PCDHGB2: variants seen among roughly 807,000 people sequenced by gnomAD.
The protein encoded by PCDHGB2 is protocadherin gamma subfamily B, 2.
In PCDHGB2, 55 loss-of-function variants were observed where a neutral mutation model predicts 59.3. The observed-to-expected ratio is 0.93, with a 90% CI of 0.75 to 1.16. The LOEUF is 1.16. Among genes scored for constraint, PCDHGB2 ranks in the 50% most tolerant of loss-of-function variants. PCDHGB2 has a pLI of 0.00. For missense variants in PCDHGB2, 1,228 were observed against 1,198.5 expected (o/e 1.02, Z -0.36); for synonymous variants, 516 against 512.0 (o/e 1.01, Z -0.11).
At chr5:141,402,908 G>A (rs772824235) in intron 1 of PCDHGB2, 1 of 1,545,226 alleles carries the variant, frequency 6.5e-7, no homozygotes, top group Admixed American at 2.0e-5. Context: ...TGATGAAGCA[G>A]CGCGCACAGA....
chr5:141,384,903 C>T (rs1780641689), intron 1 of PCDHGB2: 1 of 1,613,992 alleles, frequency 6.2e-7, no homozygotes. Context: ...CTGACAGCAT[C>T]CCCGAAGTCT....
intron 1 of PCDHGB2, among the ~76,000 whole-genome samples, chr5:141,397,708 T>A (rs1409305799): frequency 6.6e-6 from 1 of 152,250 alleles, no homozygotes; most frequent in East Asian, 1.9e-4. Context: ...ACGTGATATT[T>A]CTAACAATTT....
chr5:141,402,918 A>C (rs766546022), intron 1 of PCDHGB2: 55 of 1,569,938 alleles, frequency 3.5e-5, no homozygotes, highest in Non-Finnish European at 4.7e-5. Flanking sequence ...GCGCGCACAG[A>C]GATCCTTTTG....
intron 2 of PCDHGB2, among the ~76,000 whole-genome samples, chr5:141,503,456 A>G (rs920770738): frequency 1.3e-5 from 2 of 152,058 alleles, no homozygotes; most frequent in African/African-American, 4.8e-5. Context: ...TTCGCTGGGC[A>G]TGGTGGCATG....
At position 141,477,130 on chromosome 5, in the gene PCDHGB2, G is replaced by C; in HGVS notation, c.2422-17677G>C. On this transcript the variant is annotated intron_variant, in intron 1 of 3. Coordinates refer to ENST00000522605, the MANE Select transcript of PCDHGB2 (RefSeq NM_018923.3). The surrounding 1 kb of genome is among the most constrained non-coding windows in gnomAD (Gnocchi z 4.9). ...ATCCCGAAGGAGCACATTGCAAAGT[G>C]TTGGTGGAGGTTGTGGATGTGAATG... 6.2e-7 allele frequency: 1 copy of C among 1,614,252 alleles called. No individual in the cohort carries two copies. The highest frequency in any genetic ancestry group is 2.2e-5 in the East Asian group (1 of 44,888).
At position 141,490,171 on chromosome 5, in the gene PCDHGB2, G is replaced by A. The variant is rs374421995; in HGVS notation, c.2422-4636G>A. 4 of 1,614,100 alleles carry A rather than the reference G, an allele frequency of 2.5e-6. No individual in the cohort carries two copies. The highest frequency in any genetic ancestry group is 3.4e-6 in the Non-Finnish European group (4 of 1,180,034). On this transcript the variant is annotated intron_variant, in intron 1 of 3. Coordinates refer to ENST00000522605, the MANE Select transcript of PCDHGB2 (RefSeq NM_018923.3). The surrounding 1 kb of genome is among the most constrained non-coding windows in gnomAD (Gnocchi z 5.4). ...CCATGTGTTGGGTCCCATAGACTTT[G>A]AGGAGTCACGTTTCTATGAAATTCA...
intron 1 of PCDHGB2, chr5:141,405,082 G>C: frequency 6.2e-7 from 1 of 1,613,794 alleles, no homozygotes; most frequent in East Asian, 2.2e-5. Context: ...TCGTTATCAC[G>C]CTGCTGGCCC....
intron 1 of PCDHGB2, chr5:141,384,281 T>C (rs766739394): frequency 9.9e-6 from 16 of 1,613,774 alleles, no homozygotes; most frequent in Admixed American, 6.7e-5. Flanking sequence ...TCAGTCTACA[T>C]CGCTGAGAAC....
In PCDHGB2 at chr5:141,505,598, C is replaced by T. The variant is rs532473064; in HGVS notation, c.2569+117C>T. The T allele has an allele frequency of 1.4e-3, 2,157 of 1,556,732 alleles. 3 individuals are homozygous for T. Among genetic ancestry groups the T allele is most frequent in the Non-Finnish European group, 1.8e-3 (2,025 of 1,148,246 alleles). ...ACCTGTGTAGTTTCTCCAGATCTTT[C>T]GGCAGGTCTGAAAGGACCCACAATT... On this transcript the variant is annotated intron_variant, in intron 3 of 3. Coordinates refer to ENST00000522605, the MANE Select transcript of PCDHGB2 (RefSeq NM_018923.3).
At position 141,511,106 on chromosome 5, in the gene PCDHGB2, G is replaced by T. The variant is rs536900646; in HGVS notation, c.2729G>T (p.Arg910Leu). ...NATLTNAAGK[R>L]DGKAPAGGNG... is the part of the protein sequence containing the mutation. Reference sequence around the variant, plus strand: ...ACACTGACCAACGCAGCTGGCAAGCGGGATGGCAAGGCCCCAGCAGGTGGC... The same window carrying T: ...ACACTGACCAACGCAGCTGGCAAGCTGGATGGCAAGGCCCCAGCAGGTGGC... Residue 910 changes from arginine to leucine, a missense_variant, in exon 4 of 4, where the codon CGG becomes CTG. This residue lies in a region of PCDHGB2 where 433 missense variants were observed against 441.8 expected (regional missense o/e 0.98). Transcript: ENST00000522605. 8.7e-6 allele frequency: 14 copies of T among 1,614,196 alleles called. No individual in the cohort carries two copies. Among genetic ancestry groups the T allele is most frequent in the Non-Finnish European group, 1.2e-5 (14 of 1,180,016 alleles).
chr5:141,368,854 T>C (rs1426770284), intron 1 of PCDHGB2, among the ~76,000 whole-genome samples: 1 of 152,192 alleles, frequency 6.6e-6, no homozygotes, highest in Non-Finnish European at 1.5e-5. Context: ...GCACTTGCTT[T>C]GGAATGTTTT....
In PCDHGB2 at chr5:141,476,584, C is replaced by A; in HGVS notation, c.2422-18223C>A. ...TGGCTCCGGGGACGCGCTTTCCGCTCGAGAGCGCGCACGATCCCGATGTGG... is the reference window on the plus strand; with the variant it reads ...TGGCTCCGGGGACGCGCTTTCCGCTAGAGAGCGCGCACGATCCCGATGTGG... On this transcript the variant is annotated intron_variant, in intron 1 of 3. Coordinates refer to ENST00000522605, the MANE Select transcript of PCDHGB2 (RefSeq NM_018923.3). This position sits in a 1 kb window ranked among gnomAD's most constrained non-coding sequence, Gnocchi z 7.6. The A allele has an allele frequency of 6.2e-7, 1 of 1,614,216 alleles. No homozygotes were observed. The highest frequency in any genetic ancestry group is 8.5e-7 in the Non-Finnish European group (1 of 1,180,042).
chr5:141,413,981 C>T (rs563161887), intron 1 of PCDHGB2: 52 of 1,613,334 alleles, frequency 3.2e-5, no homozygotes, highest in African/African-American at 5.3e-5. Context: ...CTGACAGTCA[C>T]AGCCACCGAC....
At chr5:141,374,942 A>C (rs758134474) in intron 1 of PCDHGB2, 3 of 1,614,044 alleles carry the variant, frequency 1.9e-6, no homozygotes, top group Non-Finnish European at 2.5e-6. Flanking sequence ...GATTACAGAA[A>C]AGATCTCACA....
At chr5:141,406,748 A>G (rs180930343) in intron 1 of PCDHGB2, among the ~76,000 whole-genome samples, 80 of 152,312 alleles carry the variant, frequency 5.3e-4, no homozygotes, top group Non-Finnish European at 1.5e-4. Context: ...GTGAAATGAC[A>G]AAACAAGGAA....
chr5:141,379,251 C>T (rs569528172), intron 1 of PCDHGB2: 1 of 152,224 alleles, frequency 6.6e-6, no homozygotes, highest in African/African-American at 2.4e-5. Flanking sequence ...GTGGTATTTA[C>T]ATTTAAGGAA....
chr5:141,489,558 G>A lies in PCDHGB2; in HGVS notation c.2422-5249G>A. On this transcript the variant is annotated intron_variant, in intron 1 of 3. Coordinates refer to ENST00000522605, the MANE Select transcript of PCDHGB2 (RefSeq NM_018923.3). The surrounding 1 kb of genome is among the most constrained non-coding windows in gnomAD (Gnocchi z 4.5). ...CCAGCACCAGCTGCCTGCTGCCAGT[G>A]CAGGTGGTGACTGAACACCCCCTGG... 1 of 1,614,130 alleles carries A rather than the reference G, an allele frequency of 6.2e-7. No individual in the cohort carries two copies. Among genetic ancestry groups the A allele is most frequent in the Non-Finnish European group, 8.5e-7 (1 of 1,180,024 alleles).
At chr5:141,415,395 CGGCTCGCACTTT>C (rs2095864519) in intron 1 of PCDHGB2, 2 of 1,614,092 alleles carry the variant, frequency 1.2e-6, no homozygotes. Flanking sequence ...CAGGTGTGTC[CGGCTCGCACTTT>C]GTGGGCGTGG....
intron 1 of PCDHGB2, chr5:141,395,535 C>A: frequency 3.6e-5 from 12 of 331,892 alleles, no homozygotes; most frequent in Admixed American, 5.0e-5. Context: ...GGTAATTTTG[C>A]TATTGTTTGT....
Sources: gnomAD v4.1 joint callset for allele counts (sites outside exome capture counted in the v4.1 genomes callset) on GRCh38, gnomAD v4.1.1 for gene constraint, gnomAD v4.1.1 regional missense constraint, Gnocchi (gnomAD v3.1) non-coding constraint, MANE v1.5 for transcripts, NCBI Gene and HGNC (gene_info 2026-07-23, HGNC 2026-07-21) for gene names.